The following SPTLC2 variants were observed in gnomAD, a reference collection of about 807,000 sequenced individuals.
The protein encoded by SPTLC2 is serine palmitoyltransferase 2.
A neutral mutation model predicts 62.0 loss-of-function variants in SPTLC2; 21 were observed. The ratio of observed to expected loss-of-function variants is 0.34; its 90% CI spans 0.24 to 0.49. The LOEUF (loss-of-function observed/expected upper bound fraction) is 0.49. SPTLC2 is among the 20% of genes least tolerant of loss of function. SPTLC2 has a pLI of 0.99. For missense variants in SPTLC2, 511 were observed against 713.0 expected, an observed-to-expected ratio of 0.72 and a Z score of 3.23; for synonymous variants, 261 against 261.8, an observed-to-expected ratio of 1.00 and a Z score of 0.03.
intron 8 of SPTLC2, among the ~76,000 whole-genome samples, chr14:77,553,278 T>C (rs1420081277): frequency 3.3e-5 from 5 of 152,120 alleles, no homozygotes; most frequent in South Asian, 4.1e-4. Context: ...ATATTAAAAA[T>C]TGTACTAAAA....
At chr14:77,603,876 G>A (rs996190319) in intron 1 of SPTLC2, among the ~76,000 whole-genome samples, 3 of 152,102 alleles carry the variant, frequency 2.0e-5, no homozygotes, top group East Asian at 1.9e-4. Context: ...TAAGCATCAC[G>A]GTGTAAGAGA....
intron 2 of SPTLC2, 91 bp downstream of exon 2, chr14:77,597,095 C>A (rs2079851461): frequency 1.5e-6 from 2 of 1,309,562 alleles, no homozygotes; most frequent in South Asian, 2.6e-5. Flanking sequence ...TAATGTGTAC[C>A]CAAATTTCTG....
At chr14:77,535,173 C>T (rs778617345) in intron 9 of SPTLC2, among the ~76,000 whole-genome samples, 13 of 152,110 alleles carry the variant, frequency 8.5e-5, no homozygotes, top group South Asian at 6.2e-4. Flanking sequence ...GTGATCTGCC[C>T]GCCTCGGCCT....
In SPTLC2 at chr14:77,557,097, C is replaced by G. The variant is rs571524943; in HGVS notation, c.900G>C (p.Gln300His). 1 of 1,613,970 alleles carries G rather than the reference C, an allele frequency of 6.2e-7. No homozygotes were observed. Among genetic ancestry groups the G allele is most frequent in the Non-Finnish European group, 8.5e-7 (1 of 1,180,036 alleles). Residue 300 changes from glutamine to histidine, a missense_variant, in exon 7 of 12, where the codon CAG (glutamine) becomes CAC (histidine). By Grantham distance (24) the Gln-to-His change is conservative. Coordinates refer to ENST00000216484, the MANE Select transcript of SPTLC2 (RefSeq NM_004863.4). Reference protein sequence around the residue: ...KLLKDAIVYGQPRTRRPWKKI... With the variant: ...KLLKDAIVYGHPRTRRPWKKI... ...TCTTCCAGGGCCTTCGTGTCCGAGG[C>G]TGACCATAAACAATGGCATCTTTCA...
chr14:77,541,520 T>A (rs2079500390), intron 9 of SPTLC2, among the ~76,000 whole-genome samples: 1 of 152,270 alleles, frequency 6.6e-6, no homozygotes, highest in Non-Finnish European at 1.5e-5. Context: ...ATACACCCAT[T>A]TAGAAGCGGG....
intron 3 of SPTLC2, among the ~76,000 whole-genome samples, chr14:77,578,303 GA>G (rs1267874897): frequency 1.3e-5 from 2 of 149,146 alleles, no homozygotes; most frequent in African/African-American, 4.9e-5. Flanking sequence ...ACTTGATTCT[GA>G]TAAGTGGCAT....
intron 1 of SPTLC2, among the ~76,000 whole-genome samples, chr14:77,598,666 G>A (rs186258727): frequency 4.9e-4 from 74 of 152,206 alleles, no homozygotes; most frequent in African/African-American, 1.7e-3. Flanking sequence ...GTGCAGTGGC[G>A]CATGCCTGTA....
chr14:77,515,907 T>C (rs886098465), intron 11 of SPTLC2, among the ~76,000 whole-genome samples: 1 of 152,324 alleles, frequency 6.6e-6, no homozygotes, highest in Non-Finnish European at 1.5e-5. Flanking sequence ...CATTTGTTCA[T>C]TGCTGGTGTA....
intron 9 of SPTLC2, among the ~76,000 whole-genome samples, chr14:77,532,350 T>C (rs2079444980): frequency 6.6e-6 from 1 of 152,182 alleles, no homozygotes; most frequent in African/African-American, 2.4e-5. Flanking sequence ...AAAATATTCG[T>C]TTTTTATCTG....
At chr14:77,554,611 G>A (rs376204816) in intron 8 of SPTLC2, 2 of 153,388 alleles carry the variant, frequency 1.3e-5, no homozygotes, top group African/African-American at 4.8e-5. Context: ...AATCTTACAA[G>A]CTGGGCATAT....
At chr14:77,577,867 T>TC (rs556272834) in intron 3 of SPTLC2, among the ~76,000 whole-genome samples, 17 of 152,132 alleles carry the variant, frequency 1.1e-4, no homozygotes, top group Non-Finnish European at 2.4e-4. Context: ...GCCACTGCAC[T>TC]CCAGCCTGGG....
In SPTLC2 at chr14:77,510,241, A is replaced by G; in HGVS notation, c.*2043T>C. 1 of 278,360 alleles carries G rather than the reference A, an allele frequency of 3.6e-6. No individual in the cohort carries two copies. The highest frequency in any genetic ancestry group is 6.6e-6 in the Non-Finnish European group (1 of 151,554). 17.2% of individuals were successfully genotyped at this position (278,360 alleles called of 1,614,324 possible). On this transcript the variant is annotated 3_prime_UTR_variant, in exon 12 of 12. Transcript: ENST00000216484. ...TTTCTGTTCTTTAAAAAAGTAAAAT[A>G]AAACTTTGGAATATCTCAAGGGCTT...
intron 9 of SPTLC2, among the ~76,000 whole-genome samples, chr14:77,530,328 A>AAT (rs1555373730): frequency 2.0e-4 from 30 of 149,462 alleles, no homozygotes; most frequent in African/African-American, 4.9e-4. Flanking sequence ...AAAAAAAAAA[A>AAT]TATTTATTTA....
chr14:77,512,162 G>T lies in SPTLC2; in HGVS notation c.*122C>A, dbSNP rs1432003010. The T allele has an allele frequency of 7.1e-7, 1 of 1,414,658 alleles. No homozygotes were observed. Among genetic ancestry groups the T allele is most frequent in the Non-Finnish European group, 9.9e-7 (1 of 1,007,126 alleles). The allele number at this position is 1,414,658 out of a possible 1,614,324, so 87.6% of individuals were successfully genotyped here. A position where few individuals can be genotyped will look rare whatever the true frequency, so the allele number is the denominator to read the frequency against. On this transcript the variant is annotated 3_prime_UTR_variant, in exon 12 of 12. Transcript: ENST00000216484. ...TTTAGAGTGGAGGTGGCCACCTTCAGTAGCTGAGGCAATGTCTTTCACGTG... is the reference window on the plus strand; with the variant it reads ...TTTAGAGTGGAGGTGGCCACCTTCATTAGCTGAGGCAATGTCTTTCACGTG...
chr14:77,576,063 C>A (rs2079713965), intron 4 of SPTLC2, among the ~76,000 whole-genome samples: 1 of 152,284 alleles, frequency 6.6e-6, no homozygotes, highest in African/African-American at 2.4e-5. Flanking sequence ...TAAGAAGCAC[C>A]CAACTGTGCT....
chr14:77,534,120 C>T (rs1356676748), intron 9 of SPTLC2, among the ~76,000 whole-genome samples: 7 of 151,662 alleles, frequency 4.6e-5, no homozygotes, highest in African/African-American at 1.5e-4. Context: ...AGCATGCCGC[C>T]GCACTACAGC....
At chr14:77,528,808 ATC>A (rs1254234226) in intron 9 of SPTLC2, among the ~76,000 whole-genome samples, 3 of 152,108 alleles carry the variant, frequency 2.0e-5, no homozygotes, top group African/African-American at 7.2e-5. Context: ...TACTTTAATC[ATC>A]TGTTTCAAAG....
chr14:77,550,229 T>C (rs954601227), intron 9 of SPTLC2, among the ~76,000 whole-genome samples: 17 of 152,252 alleles, frequency 1.1e-4, no homozygotes, highest in Admixed American at 2.6e-4. Context: ...TCATTAGAGA[T>C]AACAAGGATC....
At chr14:77,549,227 CA>C (rs35256374) in intron 9 of SPTLC2, among the ~76,000 whole-genome samples, 15 of 142,856 alleles carry the variant, frequency 1.1e-4, no homozygotes, top group Non-Finnish European at 9.1e-5. Context: ...GACTGCATCT[CA>C]AAAAAAAAAA....
Sources: allele counts gnomAD v4.1 joint callset (sites outside exome capture counted in the v4.1 genomes callset), GRCh38; gene constraint gnomAD v4.1.1; transcripts MANE v1.5; gene names NCBI Gene and HGNC (gene_info 2026-07-23, HGNC 2026-07-21).